The following PTPRZ1 variants were observed in gnomAD, a reference collection of about 807,000 sequenced individuals.
The protein encoded by PTPRZ1 is receptor-type tyrosine-protein phosphatase zeta.
PTPRZ1 carries 82 observed loss-of-function variants against 214.1 expected under a neutral mutation model. The observed-to-expected ratio is 0.38, with a 90% CI of 0.32 to 0.46. The LOEUF (loss-of-function observed/expected upper bound fraction) is 0.46, where lower values mean the gene tolerates loss of function less well. PTPRZ1 is among the 20% of genes least tolerant of loss of function. The pLI, the probability that PTPRZ1 is intolerant of heterozygous loss-of-function variation, is 1.00. For missense variants in PTPRZ1, 2,603 were observed against 2,748.7 expected, an observed-to-expected ratio of 0.95 and a Z score of 1.19; for synonymous variants, 945 against 987.9, an observed-to-expected ratio of 0.96 and a Z score of 0.81.
chr7:122,049,731 T>C (rs1792110782), intron 23 of PTPRZ1, among the ~76,000 whole-genome samples: 1 of 152,180 alleles, frequency 6.6e-6, no homozygotes, highest in South Asian at 2.1e-4. Context: ...TAGAAGTCAA[T>C]GCAGTATCAA....
intron 2 of PTPRZ1, among the ~76,000 whole-genome samples, chr7:121,954,823 A>T (rs1796657351): frequency 6.6e-6 from 1 of 152,260 alleles, no homozygotes; most frequent in Admixed American, 6.5e-5. Flanking sequence ...GGATAATATA[A>T]AATACAGAAT....
chr7:122,040,699 G>C lies in PTPRZ1; in HGVS notation c.5638-117G>C, dbSNP rs941195085. On this transcript the variant is annotated intron_variant, in intron 20 of 29. Coordinates refer to ENST00000393386, the MANE Select transcript of PTPRZ1 (RefSeq NM_002851.3). ...TTATGGACCCTCAACATCAAATCAA[G>C]CTATGATTCCTGACTTGCTGTTGAA... The C allele has an allele frequency of 1.7e-5, 12 of 708,338 alleles. No homozygotes were observed. The East Asian group carries it at 1.8e-4, about 11-fold the overall frequency. 43.9% of individuals were successfully genotyped at this position (708,338 alleles called of 1,614,324 possible). A position where few individuals can be genotyped will look rare whatever the true frequency, so the allele number is the denominator to read the frequency against.
intron 13 of PTPRZ1, among the ~76,000 whole-genome samples, chr7:122,023,854 A>T (rs973823032): frequency 5.7e-5 from 8 of 141,256 alleles, no homozygotes; most frequent in Non-Finnish European, 7.6e-5. Flanking sequence ...TATATATAAA[A>T]AAAAAAAAGA....
At chr7:122,045,369 T>A (rs1381903611) in intron 23 of PTPRZ1, among the ~76,000 whole-genome samples, 1 of 152,118 alleles carries the variant, frequency 6.6e-6, no homozygotes, top group Non-Finnish European at 1.5e-5. Context: ...AGTTAACAAA[T>A]GTTGAGATTT....
intron 3 of PTPRZ1, among the ~76,000 whole-genome samples, chr7:121,969,713 T>G (rs1797171063): frequency 6.6e-6 from 1 of 152,012 alleles, no homozygotes; most frequent in South Asian, 2.1e-4. Context: ...GTCCCAAATC[T>G]TGACATTATT....
intron 2 of PTPRZ1, among the ~76,000 whole-genome samples, chr7:121,962,867 G>A (rs969243739): frequency 6.6e-6 from 1 of 152,038 alleles, no homozygotes; most frequent in African/African-American, 2.4e-5. Flanking sequence ...CCCAGCTCCT[G>A]TGCACAATAT....
At chr7:122,041,144 C>T (rs1206619609) in intron 21 of PTPRZ1, among the ~76,000 whole-genome samples, 165 bp downstream of exon 21, 1 of 152,084 alleles carries the variant, frequency 6.6e-6, no homozygotes, top group Admixed American at 6.5e-5. Context: ...AATGAACATG[C>T]CAGACTCAGA....
chr7:122,059,097 A>AT lies in PTPRZ1; in HGVS notation c.6671+169dup, dbSNP rs59593536. Among the ~76,000 whole-genome samples the AT allele has an allele frequency of 2.0e-3, 295 of 148,450 alleles. 1 individual carries two copies. The highest frequency in any genetic ancestry group is 5.0e-3 in the African/African-American group (204 of 40,582). On this transcript the variant is annotated intron_variant, in intron 28 of 29. Transcript: ENST00000393386. ...CTTATCAATAAAGTTAACACAGAACATTTTTTTTTTTTTTACTTCACTTGA... is the reference window on the plus strand; with the variant it reads ...CTTATCAATAAAGTTAACACAGAACATTTTTTTTTTTTTTTACTTCACTTGA...
intron 15 of PTPRZ1, 45 bp from the exon 16 acceptor site, chr7:122,034,050 T>C (rs1288360475): frequency 2.0e-6 from 3 of 1,537,278 alleles, no homozygotes; most frequent in Admixed American, 3.4e-5. Context: ...TCGTGTGCTG[T>C]GGAATTTGAT....
At chr7:121,963,630 A>G (rs1377449621) in intron 2 of PTPRZ1, among the ~76,000 whole-genome samples, 1 of 152,132 alleles carries the variant, frequency 6.6e-6, no homozygotes, top group Non-Finnish European at 1.5e-5. Context: ...TTTTACTATT[A>G]TAATGAGCAT....
chr7:122,011,189 A>T lies in PTPRZ1; in HGVS notation c.2143A>T (p.Thr715Ser). 6.2e-7 allele frequency: 1 copy of T among 1,614,034 alleles called. No individual in the cohort carries two copies. The highest frequency in any genetic ancestry group is 8.5e-7 in the Non-Finnish European group (1 of 1,180,002). ...VTDLEMPHYS[T>S]FAYFPTEVTP... The stretch of plus-strand genomic sequence containing the variant: ...AGATCTGGAAATGCCACATTATTCT[A>T]CCTTTGCCTACTTCCCAACTGAGGT... Residue 715 changes from threonine (T) to serine (S), a missense_variant, in exon 12 of 30, where the codon ACC (threonine) becomes TCC (serine). Thr to Ser is a moderately conservative substitution (Grantham distance 58). Coordinates refer to ENST00000393386, the MANE Select transcript of PTPRZ1 (RefSeq NM_002851.3).
intron 2 of PTPRZ1, among the ~76,000 whole-genome samples, chr7:121,933,150 A>G (rs950209999): frequency 1.2e-5 from 1 of 86,544 alleles, no homozygotes; most frequent in Non-Finnish European, 2.1e-5. Context: ...AAGACAGTTC[A>G]GTGAAAAAAA....
chr7:122,033,970 C>T, intron 15 of PTPRZ1, 125 bp from the exon 16 acceptor site: 1 of 799,010 alleles, frequency 1.3e-6, no homozygotes. Context: ...TAGTATTTGA[C>T]AAATGTATTT....
chr7:122,038,442 A>G (rs959677726), intron 18 of PTPRZ1, among the ~76,000 whole-genome samples: 3 of 152,032 alleles, frequency 2.0e-5, no homozygotes, highest in African/African-American at 7.2e-5. Context: ...TAGACCGCAA[A>G]TGGATTAAAT....
At chr7:121,971,636 C>A (rs889346747) in intron 3 of PTPRZ1, among the ~76,000 whole-genome samples, 2 of 152,144 alleles carry the variant, frequency 1.3e-5, no homozygotes, top group African/African-American at 4.8e-5. Context: ...CAAGGTTGTG[C>A]GAAGATCAAA....
At chr7:122,035,058 C>T (rs559691737) in intron 17 of PTPRZ1, among the ~76,000 whole-genome samples, 3 of 152,202 alleles carry the variant, frequency 2.0e-5, no homozygotes, top group Non-Finnish European at 2.9e-5. Context: ...AATTCATCTT[C>T]GTGCTCCCTC....
chr7:121,980,019 G>C (rs1004174635), intron 6 of PTPRZ1, among the ~76,000 whole-genome samples: 9 of 150,154 alleles, frequency 6.0e-5, no homozygotes, highest in African/African-American at 2.2e-4. Flanking sequence ...GATAGGGAGA[G>C]GAAAATGAAA....
At chr7:121,876,798 T>A (rs1794076760) in intron 1 of PTPRZ1, among the ~76,000 whole-genome samples, 1 of 152,232 alleles carries the variant, frequency 6.6e-6, no homozygotes, top group East Asian at 1.9e-4. Flanking sequence ...GATGAATTCA[T>A]TTCTACTCTC....
Position 122,011,170 on chromosome 7 carries a change from G to A in PTPRZ1, c.2124G>A (p.Leu708=). ...VMSQGPSVTD[L]EMPHYSTFAY... Reference sequence around the variant, plus strand: ...CACAGGGTCCCTCAGTTACAGATCTGGAAATGCCACATTATTCTACCTTTG... The same window carrying A: ...CACAGGGTCCCTCAGTTACAGATCTAGAAATGCCACATTATTCTACCTTTG... Residue 708 remains leucine, a synonymous_variant, in exon 12 of 30, where the codon CTG becomes CTA. Coordinates refer to ENST00000393386, the MANE Select transcript of PTPRZ1 (RefSeq NM_002851.3). 6.2e-7 allele frequency: 1 copy of A among 1,614,060 alleles called. No individual in the cohort carries two copies. The highest frequency in any genetic ancestry group is 1.1e-5 in the South Asian group (1 of 91,076).
Sources: allele counts gnomAD v4.1 joint callset (sites outside exome capture counted in the v4.1 genomes callset), GRCh38; gene constraint gnomAD v4.1.1; transcripts MANE v1.5; gene names NCBI Gene and HGNC (gene_info 2026-07-23, HGNC 2026-07-21).